The following STXBP5L variants were observed in gnomAD, a reference collection of about 807,000 sequenced individuals.
The protein encoded by STXBP5L is syntaxin binding protein 5L.
A neutral mutation model predicts 144.5 loss-of-function variants in STXBP5L; 65 were observed. The observed-to-expected ratio is 0.45, with a 90% CI of 0.37 to 0.55. STXBP5L has a LOEUF of 0.55. Among genes scored for constraint, STXBP5L ranks in the 20% least tolerant of loss-of-function variants. The pLI is 0.00. For missense variants in STXBP5L, 1,298 were observed against 1,405.5 expected, an observed-to-expected ratio of 0.92 and a Z score of 1.22; for synonymous variants, 505 against 469.6, an observed-to-expected ratio of 1.08 and a Z score of -0.97.
intron 2 of STXBP5L, among the ~76,000 whole-genome samples, chr3:120,938,878 T>C (rs1710407543): frequency 6.6e-6 from 1 of 152,166 alleles, no homozygotes; most frequent in Non-Finnish European, 1.5e-5. Context: ...ACTCCTGGGT[T>C]GAAGGGATCC....
intron 20 of STXBP5L, among the ~76,000 whole-genome samples, chr3:121,374,082 C>T (rs2046113177): frequency 6.6e-6 from 1 of 152,190 alleles, no homozygotes; most frequent in Admixed American, 6.5e-5. Context: ...TCACATACCC[C>T]ACCAAGAGGC....
chr3:121,046,158 G>C (rs1019553584), intron 5 of STXBP5L, among the ~76,000 whole-genome samples: 1 of 152,128 alleles, frequency 6.6e-6, no homozygotes, highest in African/African-American at 2.4e-5. Flanking sequence ...TTATGTAGTA[G>C]ATCGCATTTA....
chr3:121,215,567 G>A (rs2108269810), intron 10 of STXBP5L, among the ~76,000 whole-genome samples: 1 of 152,268 alleles, frequency 6.6e-6, no homozygotes, highest in East Asian at 1.9e-4. Flanking sequence ...TCTGCAGAGA[G>A]AACTGGTTTA....
At chr3:120,914,575 C>T (rs1261510449) in intron 2 of STXBP5L, among the ~76,000 whole-genome samples, 1 of 152,124 alleles carries the variant, frequency 6.6e-6, no homozygotes, top group African/African-American at 2.4e-5. Context: ...TGAATACTAT[C>T]TCTTCCTCAA....
chr3:121,018,846 C>T (rs571219422), intron 3 of STXBP5L, among the ~76,000 whole-genome samples: 44 of 152,310 alleles, frequency 2.9e-4, no homozygotes, highest in African/African-American at 9.9e-4. Context: ...ACTGCAGGAA[C>T]ATACCAACAA....
intron 20 of STXBP5L, among the ~76,000 whole-genome samples, chr3:121,344,947 T>TTA (rs1311929911): frequency 1.8e-4 from 27 of 149,946 alleles, no homozygotes; most frequent in African/African-American, 6.1e-4. Flanking sequence ...AGATCTTTAA[T>TTA]TATATATATA....
intron 2 of STXBP5L, among the ~76,000 whole-genome samples, chr3:120,946,302 T>C (rs964639950): frequency 1.3e-5 from 2 of 151,718 alleles, no homozygotes; most frequent in Admixed American, 6.6e-5. Context: ...AACAAGATCT[T>C]TCTATCTTGT....
intron 20 of STXBP5L, among the ~76,000 whole-genome samples, chr3:121,325,878 A>G (rs1448905640): frequency 2.0e-5 from 3 of 151,874 alleles, no homozygotes; most frequent in African/African-American, 7.2e-5. Context: ...AAAAGATTCT[A>G]TAGCTTTCCC....
intron 2 of STXBP5L, among the ~76,000 whole-genome samples, chr3:120,953,531 T>A (rs1280310742): frequency 7.7e-6 from 1 of 130,260 alleles, no homozygotes; most frequent in East Asian, 2.2e-4. Context: ...AGAGATGGGG[T>A]CTTGTAATAT....
At position 121,152,570 on chromosome 3, in the gene STXBP5L, T is replaced by G; in HGVS notation, c.753+10T>G. On this transcript the variant is annotated intron_variant, in intron 8 of 26. Transcript: ENST00000471454. ...AGTTTATTATGATGAGGTAAGTGATTTCTACCGACATGTTTGAAAGAGTAT... is the reference window on the plus strand; with the variant it reads ...AGTTTATTATGATGAGGTAAGTGATGTCTACCGACATGTTTGAAAGAGTAT... The G allele has an allele frequency of 6.4e-7, 1 of 1,574,578 alleles. No homozygotes were observed. Among genetic ancestry groups the G allele is most frequent in the Middle Eastern group, 1.7e-4 (1 of 5,960 alleles).
At chr3:121,127,576 C>A (rs1469301621) in intron 7 of STXBP5L, among the ~76,000 whole-genome samples, 1 of 151,472 alleles carries the variant, frequency 6.6e-6, no homozygotes, top group Non-Finnish European at 1.5e-5. Context: ...CAACAGGAGT[C>A]ATTGGATTTA....
At chr3:121,287,613 G>A (rs2051276031) in intron 19 of STXBP5L, among the ~76,000 whole-genome samples, 1 of 151,830 alleles carries the variant, frequency 6.6e-6, no homozygotes, top group South Asian at 2.1e-4. Context: ...GGTGGATCAC[G>A]AGGTCAGGGG....
intron 18 of STXBP5L, among the ~76,000 whole-genome samples, chr3:121,264,946 C>T (rs1238735543): frequency 6.6e-6 from 1 of 151,924 alleles, no homozygotes; most frequent in Non-Finnish European, 1.5e-5. Flanking sequence ...TATATATGCA[C>T]CCAATACAGA....
At chr3:121,164,172 T>TA (rs1437041054) in intron 9 of STXBP5L, among the ~76,000 whole-genome samples, 1 of 152,066 alleles carries the variant, frequency 6.6e-6, no homozygotes, top group Admixed American at 6.6e-5. Context: ...ATAACTCCAT[T>TA]AAAAAATGAG....
intron 3 of STXBP5L, among the ~76,000 whole-genome samples, chr3:120,999,458 G>T (rs1034824193): frequency 2.6e-5 from 4 of 152,108 alleles, no homozygotes; most frequent in Non-Finnish European, 4.4e-5. Flanking sequence ...TTGATCCTAT[G>T]TGTGTCATTA....
chr3:120,917,145 C>A (rs1709141861), intron 2 of STXBP5L, among the ~76,000 whole-genome samples: 1 of 152,076 alleles, frequency 6.6e-6, no homozygotes, highest in Admixed American at 6.6e-5. Flanking sequence ...TCAGGCATGT[C>A]CCAGCTTTGT....
chr3:121,037,524 A>G (rs898862652), intron 3 of STXBP5L, among the ~76,000 whole-genome samples: 1 of 151,906 alleles, frequency 6.6e-6, no homozygotes, highest in Non-Finnish European at 1.5e-5. Flanking sequence ...ATGAAGCACT[A>G]TAGTCTTTTT....
intron 9 of STXBP5L, among the ~76,000 whole-genome samples, chr3:121,181,300 G>A (rs959710700): frequency 6.0e-5 from 9 of 149,040 alleles, no homozygotes; most frequent in African/African-American, 1.5e-4. Context: ...TGGGCAACAA[G>A]AGTGAAACTC....
intron 9 of STXBP5L, among the ~76,000 whole-genome samples, chr3:121,177,642 A>G (rs1235915096): frequency 2.6e-5 from 4 of 152,164 alleles, no homozygotes; most frequent in Non-Finnish European, 5.9e-5. Context: ...TGTTAGCAAG[A>G]ATGTGGAGCA....
Sources: gnomAD v4.1 joint callset for allele counts (sites outside exome capture counted in the v4.1 genomes callset) on GRCh38, gnomAD v4.1.1 for gene constraint, MANE v1.5 for transcripts, NCBI Gene and HGNC (gene_info 2026-07-23, HGNC 2026-07-21) for gene names.